DOCK3: variants seen among roughly 807,000 people sequenced by gnomAD.
DOCK3 encodes the protein dedicator of cytokinesis protein 3.
DOCK3 carries 60 observed loss-of-function variants against 265.6 expected under a neutral mutation model. The ratio of observed to expected loss-of-function variants is 0.23; its 90% CI spans 0.18 to 0.28. The LOEUF (loss-of-function observed/expected upper bound fraction) is 0.28. DOCK3 is among the 10% of genes least tolerant of loss of function. The probability of loss-of-function intolerance (pLI) is 1.00; values close to 1 mark genes in which losing one functional copy is unlikely to be tolerated. For missense variants in DOCK3, 1,981 were observed against 2,594.3 expected (o/e 0.76, Z 5.14); for synonymous variants, 881 against 938.0 (o/e 0.94, Z 1.11).
At chr3:50,979,307 G>T (rs1262969783) in intron 5 of DOCK3, among the ~76,000 whole-genome samples, 1 of 152,134 alleles carries the variant, frequency 6.6e-6, no homozygotes, top group African/African-American at 2.4e-5. Context: ...TTGTAAATGG[G>T]ATTGTGATAT....
intron 27 of DOCK3, among the ~76,000 whole-genome samples, chr3:51,281,134 C>T (rs2081088247): frequency 6.6e-6 from 1 of 151,808 alleles, no homozygotes; most frequent in Non-Finnish European, 1.5e-5. Context: ...TGTGGTGAGC[C>T]AAGACTGTCC....
chr3:50,895,787 T>G (rs1433331796), intron 4 of DOCK3, among the ~76,000 whole-genome samples: 1 of 152,198 alleles, frequency 6.6e-6, no homozygotes, highest in East Asian at 1.9e-4. Flanking sequence ...GTTCCTGTGT[T>G]AGTTTGCTGA....
chr3:51,315,587 A>G (rs1352993507), intron 32 of DOCK3, among the ~76,000 whole-genome samples: 1 of 152,106 alleles, frequency 6.6e-6, no homozygotes, highest in African/African-American at 2.4e-5. Context: ...TTGGCTTCCA[A>G]CTGAATGGCT....
intron 2 of DOCK3, among the ~76,000 whole-genome samples, chr3:50,795,583 T>C (rs1323549195): frequency 1.3e-5 from 2 of 152,324 alleles, no homozygotes; most frequent in East Asian, 1.9e-4. Flanking sequence ...GGTTTCACCA[T>C]GTTGGCAAGG....
chr3:51,165,270 G>A (rs1023040617), intron 12 of DOCK3, among the ~76,000 whole-genome samples: 2 of 152,112 alleles, frequency 1.3e-5, no homozygotes, highest in South Asian at 2.1e-4. Flanking sequence ...ATGGGTGAAG[G>A]CCCATTGGGC....
chr3:51,187,448 T>C (rs2087674766), intron 12 of DOCK3, among the ~76,000 whole-genome samples: 1 of 152,214 alleles, frequency 6.6e-6, no homozygotes, highest in African/African-American at 2.4e-5. Context: ...GATGAGACCT[T>C]GGGCTGTGGA....
chr3:51,098,187 G>T (rs1022861010), intron 9 of DOCK3, among the ~76,000 whole-genome samples: 3 of 152,200 alleles, frequency 2.0e-5, no homozygotes, highest in African/African-American at 7.2e-5. Context: ...CTCCCGAGCA[G>T]CTGGGATTAC....
chr3:51,115,934 G>A (rs2083715309), intron 9 of DOCK3, among the ~76,000 whole-genome samples: 1 of 152,078 alleles, frequency 6.6e-6, no homozygotes. Context: ...TGTCAAGTTT[G>A]TCAAAGATCA....
At chr3:50,687,842 C>A (rs559319791) in intron 1 of DOCK3, among the ~76,000 whole-genome samples, 2 of 152,200 alleles carry the variant, frequency 1.3e-5, no homozygotes, top group Non-Finnish European at 2.9e-5. Flanking sequence ...AATAGTTCTG[C>A]AGCTGTGGTG....
rs1246490451 is a variant in DOCK3 at position 50,896,690 on chromosome 3, T to C, written c.218+6609T>C. ...AAGATTCTGTAAGGAAGGGGTCCAGTTTCAGTTTTCTGCATATGGCTAGCC... is the reference window on the plus strand; with the variant it reads ...AAGATTCTGTAAGGAAGGGGTCCAGCTTCAGTTTTCTGCATATGGCTAGCC... On this transcript the variant is annotated intron_variant, in intron 4 of 52. Coordinates refer to ENST00000266037, the MANE Select transcript of DOCK3 (RefSeq NM_004947.5). Among the ~76,000 whole-genome samples the C allele has an allele frequency of 2.0e-5, 3 of 152,208 alleles. No homozygotes were observed. In the East Asian group the frequency reaches 5.8e-4, roughly 29 times the overall value.
intron 5 of DOCK3, among the ~76,000 whole-genome samples, chr3:50,940,632 A>G (rs938380395): frequency 3.9e-5 from 6 of 152,174 alleles, no homozygotes; most frequent in African/African-American, 1.4e-4. Context: ...AAACGGTTAA[A>G]CAATTTTGAA....
intron 5 of DOCK3, among the ~76,000 whole-genome samples, chr3:50,960,442 T>C (rs1039185878): frequency 6.6e-6 from 1 of 152,198 alleles, no homozygotes; most frequent in Non-Finnish European, 1.5e-5. Context: ...ATTTTTCTAA[T>C]GGCTGATGAT....
intron 9 of DOCK3, among the ~76,000 whole-genome samples, chr3:51,113,034 ATTC>A (rs1191922641): frequency 6.6e-6 from 1 of 150,440 alleles, no homozygotes; most frequent in African/African-American, 2.4e-5. Flanking sequence ...TATCTATAAT[ATTC>A]TTCTTGTTTA....
chr3:50,897,726 T>C (rs1414040503), intron 4 of DOCK3, among the ~76,000 whole-genome samples: 1 of 143,918 alleles, frequency 6.9e-6, no homozygotes. Flanking sequence ...CTGCATCTAT[T>C]GAGATAATCA....
chr3:50,826,190 T>C (rs1293661734), intron 2 of DOCK3, among the ~76,000 whole-genome samples: 2 of 152,092 alleles, frequency 1.3e-5, no homozygotes, highest in Non-Finnish European at 2.9e-5. Context: ...TTTTTTTCCT[T>C]GTTTACTTTT....
chr3:51,315,229 T>A, intron 32 of DOCK3, 101 bp downstream of exon 32: 1 of 1,376,178 alleles, frequency 7.3e-7, no homozygotes, highest in South Asian at 1.7e-5. Context: ...GGGGATGGGC[T>A]GTAGTTTGGC....
At chr3:51,039,835 A>T (rs13324500) in intron 5 of DOCK3, among the ~76,000 whole-genome samples, 135,253 of 149,986 alleles carry the variant, frequency 0.9, 61,165 homozygotes, top group African/African-American at 0.95. Flanking sequence ...TTCTGAATAG[A>T]AATGTAATCA....
intron 51 of DOCK3, among the ~76,000 whole-genome samples, chr3:51,377,299 A>G (rs933183886): frequency 6.6e-6 from 1 of 152,264 alleles, no homozygotes; most frequent in Non-Finnish European, 1.5e-5. Flanking sequence ...ACATTTGCCC[A>G]GTGGCAACAC....
intron 1 of DOCK3, among the ~76,000 whole-genome samples, chr3:50,713,640 A>T (rs541483977): frequency 6.6e-6 from 1 of 150,418 alleles, no homozygotes; most frequent in South Asian, 2.1e-4. Flanking sequence ...CTGATAAATT[A>T]TATATATATA....
Sources: gnomAD v4.1 joint callset for allele counts (sites outside exome capture counted in the v4.1 genomes callset) on GRCh38, gnomAD v4.1.1 for gene constraint, MANE v1.5 for transcripts, NCBI Gene and HGNC (gene_info 2026-07-23, HGNC 2026-07-21) for gene names.